Variants in AJAP1 observed in about 807,000 individuals in gnomAD.
The protein encoded by AJAP1 is adherens junctions associated protein 1.
Under a neutral mutation model 35.0 loss-of-function variants are expected in AJAP1, and 5 were observed. The observed-to-expected ratio is 0.14, with a 90% CI of 0.07 to 0.30. AJAP1 has a LOEUF of 0.30. AJAP1 is among the 10% of genes least tolerant of loss of function. The pLI is 1.00. For missense variants in AJAP1, 586 were observed against 571.0 expected (o/e 1.03, Z -0.27); for synonymous variants, 284 against 249.3 (o/e 1.14, Z -1.31).
intron 1 of AJAP1, among the ~76,000 whole-genome samples, chr1:4,691,344 A>G (rs1639734041): frequency 6.6e-6 from 1 of 152,090 alleles, no homozygotes; most frequent in African/African-American, 2.4e-5. Context: ...GGGCACACTG[A>G]CCGCCTCCCT....
intron 2 of AJAP1, among the ~76,000 whole-genome samples, chr1:4,714,860 C>G (rs1201918067): frequency 6.6e-6 from 1 of 152,152 alleles, no homozygotes; most frequent in Non-Finnish European, 1.5e-5. Context: ...GGATGATTCC[C>G]CTAACTGGGT....
At chr1:4,771,065 C>G (rs902340972) in intron 3 of AJAP1, among the ~76,000 whole-genome samples, 3 of 152,098 alleles carry the variant, frequency 2.0e-5, no homozygotes, top group Non-Finnish European at 2.9e-5. Context: ...GGCTTCATCT[C>G]CCCAGAGACA....
chr1:4,659,107 A>G lies in AJAP1; in HGVS notation c.29+3653A>G, dbSNP rs902875684. ...GTGTGACCCTGGGTTACAATGAAGT[A>G]GGTAAACACAAAACCCTGACTGGAT... is the stretch of plus-strand genomic sequence containing the variant. On this transcript the variant is annotated intron_variant, in intron 1 of 5. Coordinates refer to ENST00000378191, the MANE Select transcript of AJAP1 (RefSeq NM_018836.4). 3.3e-5 allele frequency among the ~76,000 whole-genome samples: 5 copies of G among 152,358 alleles called. No individual in the cohort carries two copies. The East Asian group carries it at 9.6e-4, about 29-fold the overall frequency.
intron 2 of AJAP1, among the ~76,000 whole-genome samples, chr1:4,756,261 G>A (rs1641430702): frequency 4.6e-5 from 7 of 152,180 alleles, no homozygotes; most frequent in Admixed American, 4.6e-4. Flanking sequence ...TGAGGGGCTT[G>A]GCCCTGCCGA....
intron 1 of AJAP1, among the ~76,000 whole-genome samples, chr1:4,681,599 C>T (rs1405704289): frequency 6.6e-6 from 1 of 152,256 alleles, no homozygotes; most frequent in Non-Finnish European, 1.5e-5. Flanking sequence ...GCAGAGAGCA[C>T]AGGCTTAGAC....
intron 5 of AJAP1, among the ~76,000 whole-genome samples, chr1:4,775,295 A>G (rs1463121486): frequency 4.6e-5 from 7 of 152,104 alleles, no homozygotes; most frequent in African/African-American, 1.2e-4. Flanking sequence ...CATGCATTCT[A>G]TAAGCACAGC....
chr1:4,683,978 G>A (rs1253413142), intron 1 of AJAP1, among the ~76,000 whole-genome samples: 1 of 152,216 alleles, frequency 6.6e-6, no homozygotes, highest in Non-Finnish European at 1.5e-5. Context: ...CACAGGGCAG[G>A]GTGAGAGGGA....
At chr1:4,745,473 G>T (rs1641168247) in intron 2 of AJAP1, among the ~76,000 whole-genome samples, 1 of 152,194 alleles carries the variant, frequency 6.6e-6, no homozygotes, top group Non-Finnish European at 1.5e-5. Context: ...ATGAGGAAAG[G>T]ATAAAGCTCC....
At chr1:4,726,606 G>A (rs1640665685) in intron 2 of AJAP1, among the ~76,000 whole-genome samples, 1 of 152,110 alleles carries the variant, frequency 6.6e-6, no homozygotes. Flanking sequence ...AGCCCCCACT[G>A]TGTGGCCCTA....
intron 1 of AJAP1, among the ~76,000 whole-genome samples, chr1:4,658,216 G>A (rs1398458104): frequency 1.3e-5 from 2 of 152,166 alleles, no homozygotes; most frequent in East Asian, 1.9e-4. Flanking sequence ...AGAGTGCCAC[G>A]AGCTCATTCC....
chr1:4,753,564 T>G (rs1641365083), intron 2 of AJAP1, among the ~76,000 whole-genome samples: 1 of 152,202 alleles, frequency 6.6e-6, no homozygotes. Flanking sequence ...CTTTAATATA[T>G]TAATCGCTGT....
chr1:4,763,006 G>C (rs1228709923), intron 2 of AJAP1, among the ~76,000 whole-genome samples: 1 of 152,040 alleles, frequency 6.6e-6, no homozygotes, highest in Non-Finnish European at 1.5e-5. Context: ...GAGGGAGAAG[G>C]GGTGTTAAAA....
At chr1:4,763,763 G>C (rs411832) in intron 2 of AJAP1, among the ~76,000 whole-genome samples, 114,475 of 145,680 alleles carry the variant, frequency 0.79, 45,193 homozygotes, top group African/African-American at 0.81. Context: ...CTCTCCCTCT[G>C]TCTCTCTCTT....
chr1:4,745,111 G>A (rs538716341), intron 2 of AJAP1, among the ~76,000 whole-genome samples: 1 of 152,278 alleles, frequency 6.6e-6, no homozygotes, highest in East Asian at 1.9e-4. Flanking sequence ...CCCCTCCACA[G>A]CTAGAATTGA....
At chr1:4,716,080 TTCTA>T (rs1438455046) in intron 2 of AJAP1, among the ~76,000 whole-genome samples, 1 of 152,256 alleles carries the variant, frequency 6.6e-6, no homozygotes, top group South Asian at 2.1e-4. Flanking sequence ...TATCATATTT[TTCTA>T]TCTGTCTATA....
chr1:4,751,891 C>T (rs781593608), intron 2 of AJAP1, among the ~76,000 whole-genome samples: 2 of 152,202 alleles, frequency 1.3e-5, no homozygotes, highest in Non-Finnish European at 2.9e-5. Context: ...TCACAGGTGA[C>T]TCTGGACACA....
intron 1 of AJAP1, among the ~76,000 whole-genome samples, chr1:4,703,625 T>C (rs1368498767): frequency 6.6e-6 from 1 of 152,182 alleles, no homozygotes; most frequent in African/African-American, 2.4e-5. Flanking sequence ...CTGGTGGAAC[T>C]CACATCTTAT....
At chr1:4,749,692 G>C (rs1010067881) in intron 2 of AJAP1, among the ~76,000 whole-genome samples, 1 of 152,244 alleles carries the variant, frequency 6.6e-6, no homozygotes, top group South Asian at 2.1e-4. Context: ...CTCCTTAGGG[G>C]CAGCGGCCCT....
At chr1:4,673,497 G>T (rs1346967005) in intron 1 of AJAP1, among the ~76,000 whole-genome samples, 1 of 152,164 alleles carries the variant, frequency 6.6e-6, no homozygotes, top group Non-Finnish European at 1.5e-5. Flanking sequence ...ATGTGGGCAG[G>T]CCTTCAACCC....
Sources: allele counts gnomAD v4.1 joint callset (sites outside exome capture counted in the v4.1 genomes callset), GRCh38; gene constraint gnomAD v4.1.1; transcripts MANE v1.5; gene names NCBI Gene and HGNC (gene_info 2026-07-23, HGNC 2026-07-21).